Variants in CCDC178 observed in about 807,000 individuals in gnomAD.
The protein encoded by CCDC178 is coiled-coil domain-containing protein 178.
Under a neutral mutation model 117.4 loss-of-function variants are expected in CCDC178, and 126 were observed. The observed-to-expected ratio is 1.07, with a 90% CI of 0.93 to 1.24. CCDC178 has a LOEUF of 1.24. CCDC178 is among the 50% of genes most tolerant of loss of function. CCDC178 has a pLI of 0.00. For missense variants in CCDC178, 1,030 were observed against 986.9 expected (o/e 1.04, Z -0.59); for synonymous variants, 283 against 313.4 (o/e 0.90, Z 1.02).
intron 6 of CCDC178, among the ~76,000 whole-genome samples, chr18:33,365,100 A>G (rs113570294): frequency 1.3e-5 from 2 of 152,076 alleles, no homozygotes; most frequent in African/African-American, 4.8e-5. Context: ...GCAAGAAACT[A>G]AAGGAAAATA....
rs1408751883 is a variant in CCDC178, at chr18:33,328,082, GATTTTTTTTTTTTTTTTT to G, written c.880-4467_880-4450del. The G allele has an allele frequency of 9.6e-4, 240 of 248,998 alleles. 5 individuals are homozygous for G. Among genetic ancestry groups the G allele is most frequent in the South Asian group, 1.9e-3 (64 of 34,430 alleles). 15.4% of individuals were successfully genotyped at this position (248,998 alleles called of 1,614,324 possible). ...CCAAGGTCATAAAGATTTATCCCTA[GATTTTTTTTTTTTTTTTT>G]TTTTTTTTTTTTTTTTTTTTGAGAC... On this transcript the variant is annotated intron_variant, in intron 10 of 22. Transcript: ENST00000383096.
intron 21 of CCDC178, among the ~76,000 whole-genome samples, chr18:33,003,175 T>C (rs1367790727): frequency 6.6e-6 from 1 of 152,178 alleles, no homozygotes; most frequent in African/African-American, 2.4e-5. Flanking sequence ...AAACTCATTC[T>C]ATGAGGCCAG....
intron 21 of CCDC178, among the ~76,000 whole-genome samples, chr18:33,054,194 G>A (rs146587363): frequency 1.6e-3 from 240 of 152,022 alleles, no homozygotes; most frequent in African/African-American, 5.4e-3. Flanking sequence ...AGTTCACTTC[G>A]CAATAAATAT....
At chr18:33,199,312 G>T (rs1037526413) in intron 20 of CCDC178, among the ~76,000 whole-genome samples, 19 of 152,070 alleles carry the variant, frequency 1.2e-4, no homozygotes, top group African/African-American at 4.3e-4. Context: ...AAAATACTCT[G>T]CCTTCTCTCA....
At chr18:33,071,689 A>T (rs1395195471) in intron 21 of CCDC178, among the ~76,000 whole-genome samples, 2 of 152,150 alleles carry the variant, frequency 1.3e-5, no homozygotes, top group Non-Finnish European at 2.9e-5. Flanking sequence ...CCTTAGCCAC[A>T]TTATATTTAG....
At chr18:33,304,869 A>G (rs1264727357) in intron 11 of CCDC178, among the ~76,000 whole-genome samples, 4 of 152,188 alleles carry the variant, frequency 2.6e-5, no homozygotes, top group African/African-American at 9.7e-5. Context: ...GCAGCGCTCA[A>G]GTTCAGGGAA....
chr18:33,044,491 G>C (rs1331675874), intron 21 of CCDC178, among the ~76,000 whole-genome samples: 1 of 151,414 alleles, frequency 6.6e-6, no homozygotes, highest in Non-Finnish European at 1.5e-5. Flanking sequence ...ACACCAGTCA[G>C]AATGACTATT....
intron 21 of CCDC178, among the ~76,000 whole-genome samples, chr18:33,076,236 A>G (rs897774346): frequency 2.0e-5 from 3 of 152,268 alleles, no homozygotes; most frequent in African/African-American, 7.2e-5. Context: ...CCCGACAATC[A>G]CTTCAGATGG....
chr18:33,203,943 T>A (rs563891700), intron 20 of CCDC178, among the ~76,000 whole-genome samples: 1 of 152,304 alleles, frequency 6.6e-6, no homozygotes, highest in Admixed American at 6.5e-5. Flanking sequence ...TTCAATGAGG[T>A]CTATGTAAGA....
chr18:33,318,321 A>G (rs1208037204), intron 11 of CCDC178, among the ~76,000 whole-genome samples: 1 of 152,192 alleles, frequency 6.6e-6, no homozygotes, highest in Non-Finnish European at 1.5e-5. Flanking sequence ...CAGGGAGGAG[A>G]AGCTGAGATC....
chr18:33,137,114 T>C (rs2058137607), intron 20 of CCDC178, among the ~76,000 whole-genome samples: 1 of 152,162 alleles, frequency 6.6e-6, no homozygotes, highest in African/African-American at 2.4e-5. Context: ...AAGAGATCAA[T>C]CTGGAAGTTT....
At chr18:33,056,078 C>T (rs557768358) in intron 21 of CCDC178, among the ~76,000 whole-genome samples, 33 of 152,208 alleles carry the variant, frequency 2.2e-4, no homozygotes, top group African/African-American at 5.3e-4. Context: ...GCTGTGATTA[C>T]GGTGTGAGCC....
chr18:32,974,288 T>A (rs1050175819), intron 22 of CCDC178, among the ~76,000 whole-genome samples: 7 of 152,152 alleles, frequency 4.6e-5, no homozygotes, highest in Non-Finnish European at 8.8e-5. Context: ...TGAAAAAAAA[T>A]TATTTATACT....
In CCDC178 at chr18:33,131,771, T is replaced by G. The variant is rs141058797; in HGVS notation, c.2239-38861A>C. Among the ~76,000 whole-genome samples the G allele has an allele frequency of 1.9e-3, 291 of 151,876 alleles. 1 individual carries two copies. The highest frequency in any genetic ancestry group is 6.5e-3 in the African/African-American group (271 of 41,540). On this transcript the variant is annotated intron_variant, in intron 20 of 22. Transcript: ENST00000383096. ...CAGTTTCCTTAACAGTAAATAATAA[T>G]ATAACATGAAACCACATTAGATTAT...
intron 12 of CCDC178, among the ~76,000 whole-genome samples, chr18:33,268,960 C>T (rs1334011059): frequency 6.6e-6 from 1 of 151,794 alleles, no homozygotes; most frequent in African/African-American, 2.4e-5. Flanking sequence ...CACTTCAGCT[C>T]CACAGAAGCC....
chr18:33,105,714 T>C (rs957548860), intron 20 of CCDC178, among the ~76,000 whole-genome samples: 2 of 151,644 alleles, frequency 1.3e-5, no homozygotes, highest in African/African-American at 4.8e-5. Flanking sequence ...GTTCCTTAAA[T>C]CCTAGTTTGC....
intron 2 of CCDC178, among the ~76,000 whole-genome samples, chr18:33,416,099 C>G (rs944708222): frequency 6.6e-6 from 1 of 152,152 alleles, no homozygotes. Context: ...TGCATTTAGA[C>G]AGTAACATCT....
At chr18:33,343,383 T>C (rs192551720) in intron 9 of CCDC178, among the ~76,000 whole-genome samples, 1 of 152,228 alleles carries the variant, frequency 6.6e-6, no homozygotes, top group African/African-American at 2.4e-5. Context: ...TATTTCTAGT[T>C]ATCTTTTTTG....
At chr18:33,190,284 TTAGGTTGAATTCC>T (rs2058842038) in intron 20 of CCDC178, among the ~76,000 whole-genome samples, 1 of 152,194 alleles carries the variant, frequency 6.6e-6, no homozygotes, top group South Asian at 2.1e-4. Context: ...TCATTGTGTA[TTAGGTTGAATTCC>T]TATAACACAT....
Sources: gnomAD v4.1 joint callset for allele counts (sites outside exome capture counted in the v4.1 genomes callset) on GRCh38, gnomAD v4.1.1 for gene constraint, MANE v1.5 for transcripts, NCBI Gene and HGNC (gene_info 2026-07-23, HGNC 2026-07-21) for gene names.